Variants in OPN4 observed in about 807,000 individuals in gnomAD.
OPN4 encodes the protein opsin 4, also known as melanopsin.
A neutral mutation model predicts 49.5 loss-of-function variants in OPN4; 43 were observed. The ratio of observed to expected loss-of-function variants is 0.87; its 90% CI spans 0.68 to 1.12. The LOEUF (loss-of-function observed/expected upper bound fraction) is 1.12, where lower values mean the gene tolerates loss of function less well. Ranked by LOEUF, OPN4 falls within the 50% of genes most tolerant of loss-of-function variation. The pLI is 0.00. For missense variants in OPN4, 657 were observed against 643.9 expected, an observed-to-expected ratio of 1.02 and a Z score of -0.22; for synonymous variants, 263 against 258.0, an observed-to-expected ratio of 1.02 and a Z score of -0.19.
rs1264023950 is a variant in OPN4, at chr10:86,658,070, T to C, written c.329T>C (p.Ile110Thr). ...SLRTPANMFI[I>T]NLAVSDFLMS... ...CGGACACCTGCCAACATGTTCATTA[T>C]CAACCTCGCGGTCAGCGACTTCCTC... The change falls in exon 3 of 10, where the codon ATC becomes ACC. Residue 110 changes from isoleucine to threonine, a missense_variant. Transcript: ENST00000241891. 6.2e-7 allele frequency: 1 copy of C among 1,613,814 alleles called. No homozygotes were observed. The highest frequency in any genetic ancestry group is 8.5e-7 in the Non-Finnish European group (1 of 1,180,038).
chr10:86,660,643 G>A (rs559457543), intron 6 of OPN4, among the ~76,000 whole-genome samples: 77 of 152,318 alleles, frequency 5.1e-4, no homozygotes, highest in Middle Eastern at 3.4e-3. Context: ...CACGGTTGGG[G>A]TGGGGTGTGA....
At chr10:86,657,947 A>G (rs1843909099) in intron 2 of OPN4, 85 bp from the exon 3 acceptor site, 1 of 1,422,624 alleles carries the variant, frequency 7.0e-7, no homozygotes, top group Admixed American at 2.1e-5. Flanking sequence ...ACGTGTGTGC[A>G]CATGCATACC....
chr10:86,662,508 A>C (rs1364970322), intron 8 of OPN4, 76 bp downstream of exon 8: 2 of 1,409,844 alleles, frequency 1.4e-6, no homozygotes, highest in African/African-American at 1.4e-5. Flanking sequence ...TGGGGAATAC[A>C]TAGGCCCTGG....
chr10:86,659,769 G>A, intron 5 of OPN4, 126 bp from the exon 6 acceptor site: 1 of 1,031,892 alleles, frequency 9.7e-7, no homozygotes, highest in Non-Finnish European at 1.4e-6. Flanking sequence ...TGCCTGCACT[G>A]GAAGGAATGA....
intron 4 of OPN4, 105 bp downstream of exon 4, chr10:86,658,792 C>T: frequency 4.4e-6 from 5 of 1,142,128 alleles, no homozygotes; most frequent in Non-Finnish European, 6.3e-6. Flanking sequence ...AGCAGGGTGC[C>T]CAGGAGCTAC....
intron 8 of OPN4, 121 bp from the exon 9 acceptor site, chr10:86,663,538 T>C (rs1454668734): frequency 5.5e-6 from 5 of 912,204 alleles, no homozygotes; most frequent in Non-Finnish European, 7.7e-6. Flanking sequence ...GCAAATGGTG[T>C]CAGGGGCCTC....
At chr10:86,657,285 C>T (rs1471302936) in intron 2 of OPN4, 17 of 771,004 alleles carry the variant, frequency 2.2e-5, no homozygotes, top group Non-Finnish European at 2.9e-5. Flanking sequence ...TGCTGTGCAC[C>T]GGAGCAAGTC....
chr10:86,658,927 G>A (rs751668907), intron 4 of OPN4, among the ~76,000 whole-genome samples: 15 of 152,182 alleles, frequency 9.9e-5, no homozygotes, highest in Non-Finnish European at 1.6e-4. Context: ...CTTTCTGGGC[G>A]GGGCAAAGTG....
In OPN4 at chr10:86,656,279, C is replaced by A; in HGVS notation, c.269C>A (p.Thr90Lys). ...VGLTGMLGNL[T>K]VIYTFCRSRS... ...CTCACGGGGATGCTGGGCAACCTGA[C>A]GGTCATCTATACCTTCTGCAGGTGC... Residue 90 changes from threonine (T) to lysine (K), a missense_variant, in exon 2 of 10, where the codon ACG (threonine) becomes AAG (lysine). Physicochemically the swap from Thr to Lys is moderately conservative, Grantham distance 78 (BLOSUM62 -1). Transcript: ENST00000241891. 6.2e-7 allele frequency: 1 copy of A among 1,610,510 alleles called. No individual in the cohort carries two copies. Among genetic ancestry groups the A allele is most frequent in the Non-Finnish European group, 8.5e-7 (1 of 1,178,008 alleles).
chr10:86,659,641 G>A (rs1190140022), intron 5 of OPN4, among the ~76,000 whole-genome samples, 173 bp downstream of exon 5: 1 of 152,252 alleles, frequency 6.6e-6, no homozygotes, highest in Non-Finnish European at 1.5e-5. Context: ...CAGGAGACAA[G>A]GGCTTCTGGG....
At chr10:86,659,613 C>A in intron 5 of OPN4, 145 bp downstream of exon 5, 1 of 1,217,634 alleles carries the variant, frequency 8.2e-7, no homozygotes, top group Non-Finnish European at 1.1e-6. Flanking sequence ...TATGGGGCAG[C>A]AGTGTCTAGG....
intron 4 of OPN4, 112 bp downstream of exon 4, chr10:86,658,799 C>T: frequency 9.6e-7 from 1 of 1,042,828 alleles, no homozygotes; most frequent in Non-Finnish European, 1.4e-6. Flanking sequence ...TGCCCAGGAG[C>T]TACCTGAGCC....
At chr10:86,658,745 GGGGAA>G in intron 4 of OPN4, 58 bp downstream of exon 4, 1 of 1,578,990 alleles carries the variant, frequency 6.3e-7, no homozygotes, top group Non-Finnish European at 8.6e-7. Context: ...GCACATTCAA[GGGGAA>G]GTAGGTGGAC....
chr10:86,657,917 T>TGCATGTGTAAGTGTGTGG, intron 2 of OPN4, 115 bp from the exon 3 acceptor site: 1 of 1,118,758 alleles, frequency 8.9e-7, no homozygotes, highest in Non-Finnish European at 1.3e-6. Context: ...CATGTGTGTG[T>TGCATGTGTAAGTGTGTGG]GCATGTGTAA....
intron 9 of OPN4, among the ~76,000 whole-genome samples, chr10:86,664,729 G>T (rs1353341482): frequency 1.3e-5 from 2 of 152,148 alleles, no homozygotes; most frequent in East Asian, 3.9e-4. Context: ...GGGAGCCTCA[G>T]CCTCCCTCAG....
In OPN4 at chr10:86,660,955, C is replaced by T. The variant is rs546603291; in HGVS notation, c.966-326C>T. ...TAGCCTGGCCAAAATGGTGAAACCCCGTCTCTACTAAAAATACAAAAATTA... is the reference window on the plus strand; with the variant it reads ...TAGCCTGGCCAAAATGGTGAAACCCTGTCTCTACTAAAAATACAAAAATTA... On this transcript the variant is annotated intron_variant, in intron 6 of 9. Coordinates refer to ENST00000241891, the MANE Select transcript of OPN4 (RefSeq NM_033282.4). Among the ~76,000 whole-genome samples the T allele has an allele frequency of 1.8e-4, 27 of 152,200 alleles. 1 individual carries two copies. The South Asian group carries it at 5.2e-3, about 29-fold the overall frequency.
intron 2 of OPN4, chr10:86,657,277 C>A: frequency 1.3e-6 from 1 of 776,896 alleles, no homozygotes; most frequent in Non-Finnish European, 2.4e-6. Context: ...TTACTGAGTG[C>A]TGTGCACCGG....
intron 5 of OPN4, 96 bp from the exon 6 acceptor site, chr10:86,659,799 C>A: frequency 7.5e-7 from 1 of 1,325,324 alleles, no homozygotes; most frequent in Non-Finnish European, 1.1e-6. Context: ...GAGTGCCCTG[C>A]AAGGATAGTC....
intron 9 of OPN4, among the ~76,000 whole-genome samples, chr10:86,665,284 C>A (rs571145106): frequency 6.6e-6 from 1 of 151,966 alleles, no homozygotes; most frequent in African/African-American, 2.4e-5. Flanking sequence ...CCAGACCTGA[C>A]CTGGGGACAG....
Sources: allele counts gnomAD v4.1 joint callset (sites outside exome capture counted in the v4.1 genomes callset), GRCh38; gene constraint gnomAD v4.1.1; transcripts MANE v1.5; gene names NCBI Gene and HGNC (gene_info 2026-07-23, HGNC 2026-07-21).